Variants in MEGF6 observed in about 807,000 individuals in gnomAD.
The protein encoded by MEGF6 is multiple epidermal growth factor-like domains protein 6.
In MEGF6, 184 loss-of-function variants were observed where a neutral mutation model predicts 207.1. That is an observed-to-expected ratio of 0.89 (90% CI 0.79 to 1.00). MEGF6 has a LOEUF of 1.00. MEGF6 is among the 50% of genes least tolerant of loss of function. MEGF6 has a pLI of 0.00. For missense variants in MEGF6, 2,282 were observed against 2,202.9 expected (o/e 1.04, Z -0.72); for synonymous variants, 1,038 against 910.0 (o/e 1.14, Z -2.53).
intron 3 of MEGF6, 127 bp downstream of exon 3, chr1:3,595,211 T>C: frequency 1.6e-6 from 1 of 633,356 alleles, no homozygotes; most frequent in Admixed American, 2.8e-5. Flanking sequence ...GCTGAGCGAG[T>C]GTTCCCTGAG....
At chr1:3,502,084 C>T (rs1640922156) in intron 17 of MEGF6, among the ~76,000 whole-genome samples, 163 bp from the exon 18 acceptor site, 5 of 18,426 alleles carry the variant, frequency 2.7e-4, no homozygotes, top group Admixed American at 2.2e-3. Flanking sequence ...GGCGAGTGTG[C>T]CCCCCCGCGC....
intron 4 of MEGF6, among the ~76,000 whole-genome samples, chr1:3,542,633 G>A (rs75201405): frequency 0.083 from 12,614 of 152,310 alleles, 589 homozygotes; most frequent in Non-Finnish European, 0.11. Context: ...TCTGCAGCCC[G>A]GGCCGTGGGC....
chr1:3,560,907 C>A lies in MEGF6; in HGVS notation c.481+18918G>T. The A allele has an allele frequency of 2.5e-6, 1 of 404,584 alleles. No homozygotes were observed. Among genetic ancestry groups the A allele is most frequent in the Non-Finnish European group, 5.0e-6 (1 of 200,394 alleles). The allele number at this position is 404,584 out of a possible 1,614,324, so 25.1% of individuals were successfully genotyped here. On this transcript the variant is annotated intron_variant, in intron 4 of 36. Coordinates refer to ENST00000356575, the MANE Select transcript of MEGF6 (RefSeq NM_001409.4). This position sits in a 1 kb window ranked among gnomAD's most constrained non-coding sequence, Gnocchi z 4.0. ...GGGGGTGCTGGGCTCTACCCCCAGG[C>A]CTCTACTACCCTCTGGCACACATCC... is the stretch of plus-strand genomic sequence containing the variant.
rs1385134067 is a variant in MEGF6 at position 3,493,803 on chromosome 1, G to A, written c.4355C>T (p.Pro1452Leu). 5.0e-6 allele frequency: 8 copies of A among 1,611,520 alleles called. No individual in the cohort carries two copies. The South Asian group carries it at 5.5e-5, about 11-fold the overall frequency. The change falls in exon 34 of 37, where the codon CCA becomes CTA. Residue 1452 changes from proline to leucine, a missense_variant. By Grantham distance (98) the Pro-to-Leu change is moderately conservative (BLOSUM62 -3). Coordinates refer to ENST00000356575, the MANE Select transcript of MEGF6 (RefSeq NM_001409.4). ...CDPVTGLCLC[P>L]PGRSGATCNL... ...ACAGGTGGCTCCTGAGCGCCCTGGT[G>A]GGCAAAGGCAGAGACCGGTGACAGG...
intron 4 of MEGF6, among the ~76,000 whole-genome samples, chr1:3,536,205 T>G (rs994554885): frequency 3.3e-4 from 51 of 152,300 alleles, no homozygotes; most frequent in African/African-American, 1.2e-3. Flanking sequence ...CCTCCCCAGC[T>G]GGCCGGCCCA....
intron 4 of MEGF6, among the ~76,000 whole-genome samples, chr1:3,577,140 C>T (rs1425635737): frequency 2.0e-5 from 3 of 152,236 alleles, no homozygotes; most frequent in Non-Finnish European, 4.4e-5. Context: ...CCTCCATACC[C>T]TCCCCTTCTT....
chr1:3,496,924 G>C (rs543793601), intron 28 of MEGF6, 64 bp downstream of exon 28: 1 of 1,531,970 alleles, frequency 6.5e-7, no homozygotes. Context: ...GGGACCAGGG[G>C]AACTGGGGCC....
intron 2 of MEGF6, among the ~76,000 whole-genome samples, chr1:3,599,361 T>G (rs1462783327): frequency 6.6e-6 from 1 of 152,228 alleles, no homozygotes; most frequent in African/African-American, 2.4e-5. Context: ...GCCCTCGGGC[T>G]GTGGGGTGAG....
At position 3,579,333 on chromosome 1, in the gene MEGF6, AC is replaced by A. The variant is rs569754762; in HGVS notation, c.481+491del. On this transcript the variant is annotated intron_variant, in intron 4 of 36. Transcript: ENST00000356575. ...ACTCCCTGCAAGCATCTCCTTCGCC[AC>A]CAGCTCCTGCTTCAACCTGGTCTTC... 2.0e-5 allele frequency among the ~76,000 whole-genome samples: 3 copies of A among 152,312 alleles called. No individual in the cohort carries two copies. The East Asian group carries it at 5.8e-4, about 29-fold the overall frequency.
chr1:3,582,270 G>C (rs770824283), intron 3 of MEGF6, among the ~76,000 whole-genome samples: 2 of 152,200 alleles, frequency 1.3e-5, no homozygotes, highest in African/African-American at 4.8e-5. Flanking sequence ...ATGTTCCCCG[G>C]ACCCTGGGGC....
Position 3,498,366 on chromosome 1 carries a change from C to G in MEGF6, c.3352+5G>C. Reference sequence around the variant, plus strand: ...CAGACCCCCCTGCTGCCCCGCCCCACTCACGGCTCTGACACTTGTCCCCAG... The same window carrying G: ...CAGACCCCCCTGCTGCCCCGCCCCAGTCACGGCTCTGACACTTGTCCCCAG... On this transcript the variant is annotated splice_donor_5th_base_variant and intron_variant, in intron 26 of 36. Coordinates refer to ENST00000356575, the MANE Select transcript of MEGF6 (RefSeq NM_001409.4). 1 of 1,600,402 alleles carries G rather than the reference C, an allele frequency of 6.2e-7. No homozygotes were observed. Among genetic ancestry groups the G allele is most frequent in the Non-Finnish European group, 8.5e-7 (1 of 1,176,972 alleles).
At chr1:3,494,849 C>T (rs2821038) in intron 30 of MEGF6, 108 bp from the exon 31 acceptor site, 93,793 of 1,418,658 alleles carry the variant, frequency 0.066, 3,730 homozygotes, top group Admixed American at 0.15. Context: ...TTCCTGAGGC[C>T]CATCAGTGCC....
At chr1:3,600,477 T>C (rs185272382) in intron 2 of MEGF6, among the ~76,000 whole-genome samples, 191 of 152,156 alleles carry the variant, frequency 1.3e-3, no homozygotes, top group African/African-American at 4.5e-3. Flanking sequence ...GGAGAAGCAA[T>C]GCTCTGAAGG....
At chr1:3,547,405 G>C (rs1418440851) in intron 4 of MEGF6, among the ~76,000 whole-genome samples, 2 of 152,188 alleles carry the variant, frequency 1.3e-5, no homozygotes, top group African/African-American at 4.8e-5. Flanking sequence ...GTATAGCTTG[G>C]CAGAGGAGGT....
chr1:3,535,241 C>A (rs772151924), intron 4 of MEGF6, among the ~76,000 whole-genome samples: 12 of 152,164 alleles, frequency 7.9e-5, no homozygotes, highest in Admixed American at 3.9e-4. Flanking sequence ...GGGCGAGCCT[C>A]CAGGGAACAG....
chr1:3,546,156 G>A (rs1008806710), intron 4 of MEGF6, among the ~76,000 whole-genome samples: 2 of 152,172 alleles, frequency 1.3e-5, no homozygotes, highest in Non-Finnish European at 2.9e-5. Context: ...TGGGAGATGG[G>A]GACAGCTTGG....
At chr1:3,515,309 C>T in intron 6 of MEGF6, 93 bp downstream of exon 6, 1 of 1,452,350 alleles carries the variant, frequency 6.9e-7, no homozygotes, top group South Asian at 1.3e-5. Flanking sequence ...CCTTGGGGGC[C>T]TCCTGAAGAC....
chr1:3,610,927 G>A (rs1241718554), intron 1 of MEGF6, among the ~76,000 whole-genome samples: 1 of 152,152 alleles, frequency 6.6e-6, no homozygotes, highest in African/African-American at 2.4e-5. Context: ...TGGGAGGGGG[G>A]GAGGGGACAC....
At chr1:3,603,485 TG>T (rs1173833167) in intron 1 of MEGF6, among the ~76,000 whole-genome samples, 2 of 152,056 alleles carry the variant, frequency 1.3e-5, no homozygotes, top group African/African-American at 4.8e-5. Flanking sequence ...AGGTGACGTC[TG>T]GGGGGCCTCA....
Sources: allele counts gnomAD v4.1 joint callset (sites outside exome capture counted in the v4.1 genomes callset), GRCh38; gene constraint gnomAD v4.1.1; non-coding constraint Gnocchi (gnomAD v3.1); transcripts MANE v1.5; gene names NCBI Gene and HGNC (gene_info 2026-07-23, HGNC 2026-07-21).